Variants in TIAM1 observed in about 807,000 individuals in gnomAD.
The protein encoded by TIAM1 is rho guanine nucleotide exchange factor TIAM1.
A neutral mutation model predicts 163.5 loss-of-function variants in TIAM1; 65 were observed. That is an observed-to-expected ratio of 0.40 (90% confidence interval 0.33 to 0.49). TIAM1 has a LOEUF of 0.49. Among genes scored for constraint, TIAM1 ranks in the 20% least tolerant of loss-of-function variants. The pLI, the probability that TIAM1 is intolerant of heterozygous loss-of-function variation, is 0.77. For synonymous variants in TIAM1, 833 were observed against 810.1 expected, an observed-to-expected ratio of 1.03 and a Z score of -0.48; for missense variants, 1,789 against 2,044.7, an observed-to-expected ratio of 0.87 and a Z score of 2.41.
chr21:31,486,991 C>T (rs563495255), intron 1 of TIAM1, among the ~76,000 whole-genome samples: 2 of 152,272 alleles, frequency 1.3e-5, no homozygotes, highest in East Asian at 3.9e-4. Flanking sequence ...GCAGTTCTCT[C>T]CTTGGAATGT....
intron 2 of TIAM1, among the ~76,000 whole-genome samples, chr21:31,309,846 A>G (rs756927802): frequency 5.9e-5 from 9 of 152,244 alleles, no homozygotes; most frequent in African/African-American, 1.4e-4. Flanking sequence ...ATATAAAGAC[A>G]TCATCAGGCA....
At chr21:31,463,538 C>T (rs181075341) in intron 2 of TIAM1, among the ~76,000 whole-genome samples, 2 of 152,212 alleles carry the variant, frequency 1.3e-5, no homozygotes, top group Admixed American at 1.3e-4. Context: ...AAGTAAGAGG[C>T]CGGGTGCAGT....
chr21:31,202,185 C>T (rs988977876), intron 12 of TIAM1, among the ~76,000 whole-genome samples: 33 of 151,986 alleles, frequency 2.2e-4, no homozygotes, highest in African/African-American at 7.3e-4. Context: ...AACATGGCTA[C>T]GGATGTCACA....
chr21:31,461,553 G>C (rs1208151594), intron 2 of TIAM1, among the ~76,000 whole-genome samples: 1 of 152,170 alleles, frequency 6.6e-6, no homozygotes, highest in African/African-American at 2.4e-5. Flanking sequence ...TATCGATGAA[G>C]TAAAAGGACA....
At chr21:31,502,092 C>T (rs2147449152) in intron 1 of TIAM1, among the ~76,000 whole-genome samples, 1 of 152,198 alleles carries the variant, frequency 6.6e-6, no homozygotes. Context: ...GGGAAAGTTC[C>T]AGTGTCAAGG....
intron 1 of TIAM1, among the ~76,000 whole-genome samples, chr21:31,521,582 A>T (rs1355709635): frequency 6.6e-6 from 1 of 152,152 alleles, no homozygotes; most frequent in Non-Finnish European, 1.5e-5. Flanking sequence ...CAAAAAATTT[A>T]AAAACTTAGC....
intron 20 of TIAM1, among the ~76,000 whole-genome samples, chr21:31,143,452 T>TTATA (rs61145317): frequency 0.033 from 4,902 of 149,242 alleles, 241 homozygotes; most frequent in African/African-American, 0.11. Context: ...TATATAATTT[T>TTATA]TATATATATA....
chr21:31,317,151 G>A (rs1048346312), intron 2 of TIAM1, among the ~76,000 whole-genome samples: 2 of 152,178 alleles, frequency 1.3e-5, no homozygotes, highest in Non-Finnish European at 2.9e-5. Flanking sequence ...CAAGTGGATT[G>A]ACGACACTTA....
intron 9 of TIAM1, among the ~76,000 whole-genome samples, chr21:31,213,866 C>CCAAAAAAAAAAA (rs71318260): frequency 0.018 from 993 of 54,750 alleles, 45 homozygotes; most frequent in African/African-American, 0.058. Flanking sequence ...CTCATCTCTA[C>CCAAAAAAAAAAA]AAAAAAAAAA....
chr21:31,364,597 A>G (rs1209478350), intron 2 of TIAM1, among the ~76,000 whole-genome samples: 1 of 152,224 alleles, frequency 6.6e-6, no homozygotes, highest in Non-Finnish European at 1.5e-5. Context: ...GGAATTGTTA[A>G]TAAGAGTTCT....
intron 3 of TIAM1, among the ~76,000 whole-genome samples, chr21:31,275,066 G>C (rs1254838498): frequency 1.3e-5 from 2 of 151,286 alleles, no homozygotes; most frequent in African/African-American, 4.9e-5. Flanking sequence ...AGACTGCAGT[G>C]AGCCGAGATT....
chr21:31,183,020 G>A (rs1195435081), intron 14 of TIAM1, among the ~76,000 whole-genome samples: 1 of 152,182 alleles, frequency 6.6e-6, no homozygotes, highest in African/African-American at 2.4e-5. Context: ...TGCCATCACT[G>A]TGTTTTGTAC....
At chr21:31,427,581 T>C (rs531002537) in intron 2 of TIAM1, among the ~76,000 whole-genome samples, 124 of 152,232 alleles carry the variant, frequency 8.1e-4, no homozygotes, top group African/African-American at 2.5e-3. Flanking sequence ...GGCTAATGCC[T>C]ATAAGCCCAG....
chr21:31,342,272 C>T (rs910973585), intron 1 of TIAM1, among the ~76,000 whole-genome samples: 2 of 151,812 alleles, frequency 1.3e-5, no homozygotes, highest in African/African-American at 2.4e-5. Context: ...GAGCAAGACT[C>T]CATCTCTAAA....
At chr21:31,173,850 A>C (rs956495520) in intron 15 of TIAM1, among the ~76,000 whole-genome samples, 1 of 152,168 alleles carries the variant, frequency 6.6e-6, no homozygotes, top group Non-Finnish European at 1.5e-5. Context: ...AGAGCATCTC[A>C]GTCTCCGAAA....
At chr21:31,420,994 T>C (rs1265374416) in intron 2 of TIAM1, among the ~76,000 whole-genome samples, 1 of 151,336 alleles carries the variant, frequency 6.6e-6, no homozygotes, top group African/African-American at 2.4e-5. Context: ...TGGTGGCGGG[T>C]GCCTGTAATC....
At chr21:31,155,650 G>A (rs548846358) in intron 16 of TIAM1, among the ~76,000 whole-genome samples, 126 of 152,138 alleles carry the variant, frequency 8.3e-4, no homozygotes, top group Middle Eastern at 3.4e-3. Flanking sequence ...GACTACAGGC[G>A]CCCGCCACCA....
intron 15 of TIAM1, among the ~76,000 whole-genome samples, chr21:31,178,480 G>A (rs2084870469): frequency 6.6e-6 from 1 of 151,794 alleles, no homozygotes; most frequent in Admixed American, 6.6e-5. Flanking sequence ...CTAATTTTTT[G>A]TATTTTTAGT....
At chr21:31,135,848 A>C in intron 23 of TIAM1, 85 bp downstream of exon 23, 1 of 1,253,372 alleles carries the variant, frequency 8.0e-7, no homozygotes, top group Non-Finnish European at 1.2e-6. Context: ...ATTTTTAATC[A>C]ATTGGGTCTT....
Sources: gnomAD v4.1 joint callset for allele counts (sites outside exome capture counted in the v4.1 genomes callset) on GRCh38, gnomAD v4.1.1 for gene constraint, MANE v1.5 for transcripts, NCBI Gene and HGNC (gene_info 2026-07-23, HGNC 2026-07-21) for gene names.